TDRD9: variants seen among roughly 807,000 people sequenced by gnomAD.
TDRD9 encodes the protein tudor domain containing 9, also known as ATP-dependent RNA helicase TDRD9.
TDRD9 carries 124 observed loss-of-function variants against 172.6 expected under a neutral mutation model. The ratio of observed to expected loss-of-function variants is 0.72; its 90% CI spans 0.62 to 0.83. TDRD9 has a LOEUF of 0.83. Ranked by LOEUF, TDRD9 falls within the 40% of genes least tolerant of loss-of-function variation. The pLI is 0.00. For synonymous variants in TDRD9, 619 were observed against 617.1 expected (o/e 1.00, Z -0.05); for missense variants, 1,479 against 1,714.1 (o/e 0.86, Z 2.42).
At chr14:103,987,689 A>G (rs147591269) in intron 8 of TDRD9, among the ~76,000 whole-genome samples, 1 of 152,180 alleles carries the variant, frequency 6.6e-6, no homozygotes, top group African/African-American at 2.4e-5. Flanking sequence ...GTTCTGGAGA[A>G]TATTACACGT....
intron 9 of TDRD9, among the ~76,000 whole-genome samples, chr14:103,992,298 T>A (rs2033898145): frequency 6.6e-6 from 1 of 152,222 alleles, no homozygotes; most frequent in South Asian, 2.1e-4. Context: ...TAAACAGATT[T>A]GTTCTTAAAA....
intron 7 of TDRD9, among the ~76,000 whole-genome samples, chr14:103,982,569 C>G (rs967438681): frequency 2.0e-5 from 3 of 152,176 alleles, no homozygotes; most frequent in African/African-American, 7.2e-5. Flanking sequence ...TTTCAGTGTC[C>G]TTTGGAGAGT....
intron 28 of TDRD9, 40 bp from the exon 29 acceptor site, chr14:104,031,068 T>C: frequency 1.3e-6 from 2 of 1,530,626 alleles, no homozygotes; most frequent in East Asian, 2.5e-5. Flanking sequence ...GTCCTTGTAA[T>C]ATTTTCTTTT....
At chr14:103,967,895 A>T (rs929502005) in intron 5 of TDRD9, among the ~76,000 whole-genome samples, 2 of 152,226 alleles carry the variant, frequency 1.3e-5, no homozygotes, top group African/African-American at 4.8e-5. Context: ...ATAGTTATTC[A>T]TTGGGCTTTT....
intron 1 of TDRD9, among the ~76,000 whole-genome samples, chr14:103,951,912 G>T (rs879394565): frequency 6.6e-6 from 1 of 151,184 alleles, no homozygotes; most frequent in Non-Finnish European, 1.5e-5. Flanking sequence ...GACCACAGGC[G>T]CCCGCCACCA....
Position 103,992,924 on chromosome 14 carries a change from C to CAAAAA in TDRD9, c.1181-1391_1181-1387dup, listed in dbSNP as rs35212615. ...TGGGAGAAAGAGCGAGACTCCATCT[C>CAAAAA]AAAAAAAAAAAAAAAAAAAAAGAAT... On this transcript the variant is annotated intron_variant, in intron 9 of 35. Coordinates refer to ENST00000409874, the MANE Select transcript of TDRD9 (RefSeq NM_153046.3). 1.1e-3 allele frequency among the ~76,000 whole-genome samples: 67 copies of CAAAAA among 58,722 alleles called. 1 individual carries two copies. The highest frequency in any genetic ancestry group is 9.1e-3 in the Middle Eastern group (1 of 110). The allele number at this position is 58,722 out of a possible 152,430, so 38.5% of individuals were successfully genotyped here.
intron 29 of TDRD9, among the ~76,000 whole-genome samples, chr14:104,031,468 G>T (rs952194955): frequency 3.8e-5 from 4 of 105,096 alleles, no homozygotes; most frequent in African/African-American, 7.0e-5. Flanking sequence ...GCTTTGACTA[G>T]TTTTTTTTTT....
rs771404304 is a variant in TDRD9, at chr14:104,004,333, T to C, written c.1579T>C (p.Leu527=). Reference sequence around the variant, plus strand: ...CCCTGATCATGTTGTTCCTGAGATGTTGGTAATTCACTTTGGTCATTGTCA... The same window carrying C: ...CCCTGATCATGTTGTTCCTGAGATGCTGGTAATTCACTTTGGTCATTGTCA... ...SIPDHVVPEM[L]RCPLGSTILK... Residue 527 remains leucine (L), a splice_region_variant and synonymous_variant, in exon 14 of 36, where the codon TTG becomes CTG. Coordinates refer to ENST00000409874, the MANE Select transcript of TDRD9 (RefSeq NM_153046.3). The C allele has an allele frequency of 1.3e-6, 2 of 1,543,672 alleles. No individual in the cohort carries two copies. The highest frequency in any genetic ancestry group is 8.9e-7 in the Non-Finnish European group (1 of 1,120,586).
chr14:104,050,754 C>G (rs1453341352), intron 35 of TDRD9, among the ~76,000 whole-genome samples: 1 of 152,190 alleles, frequency 6.6e-6, no homozygotes, highest in Non-Finnish European at 1.5e-5. Flanking sequence ...GCGGCCACAC[C>G]AGCCCCCATG....
intron 32 of TDRD9, among the ~76,000 whole-genome samples, chr14:104,039,399 A>G (rs1474538667): frequency 1.3e-5 from 2 of 152,226 alleles, no homozygotes; most frequent in African/African-American, 4.8e-5. Flanking sequence ...GTTTTACTGT[A>G]GTCACAGTCA....
At chr14:103,954,976 G>A (rs980336534) in intron 1 of TDRD9, among the ~76,000 whole-genome samples, 1 of 151,810 alleles carries the variant, frequency 6.6e-6, no homozygotes, top group Middle Eastern at 3.4e-3. Flanking sequence ...GCCTAGGCTG[G>A]AGTGCAGTGG....
chr14:103,957,239 A>G (rs1398271884), intron 2 of TDRD9, among the ~76,000 whole-genome samples: 1 of 152,178 alleles, frequency 6.6e-6, no homozygotes, highest in Non-Finnish European at 1.5e-5. Flanking sequence ...TGCTAGATCT[A>G]TCACCTTAAG....
At chr14:103,950,884 A>G (rs1163923480) in intron 1 of TDRD9, among the ~76,000 whole-genome samples, 1 of 152,164 alleles carries the variant, frequency 6.6e-6, no homozygotes, top group Non-Finnish European at 1.5e-5. Flanking sequence ...GGCCATCACA[A>G]CCTTTCTAAA....
At chr14:104,000,805 TA>T (rs1163942123) in intron 13 of TDRD9, among the ~76,000 whole-genome samples, 1 of 151,930 alleles carries the variant, frequency 6.6e-6, no homozygotes, top group Admixed American at 6.6e-5. Context: ...AAAACCTCAA[TA>T]AAAAGTGACT....
intron 2 of TDRD9, among the ~76,000 whole-genome samples, chr14:103,956,111 A>AATATATAT (rs1173008862): frequency 2.2e-3 from 41 of 18,358 alleles, no homozygotes; most frequent in African/African-American, 9.0e-3. Flanking sequence ...AAAAAAAAAA[A>AATATATAT]ATATATATAT....
At chr14:103,999,642 G>GCC (rs2034185928) in intron 13 of TDRD9, among the ~76,000 whole-genome samples, 1 of 125,956 alleles carries the variant, frequency 7.9e-6, no homozygotes, top group Non-Finnish European at 1.7e-5. Context: ...TTGTTTTTTA[G>GCC]AAAACCTTTT....
intron 2 of TDRD9, among the ~76,000 whole-genome samples, chr14:103,959,455 C>CATGT (rs1555365381): frequency 6.9e-6 from 1 of 144,022 alleles, no homozygotes; most frequent in Non-Finnish European, 1.5e-5. Context: ...GTCAGGTTAT[C>CATGT]GTGTGTGTGT....
At chr14:103,996,135 T>C (rs2034051454) in intron 12 of TDRD9, among the ~76,000 whole-genome samples, 1 of 152,302 alleles carries the variant, frequency 6.6e-6, no homozygotes, top group Admixed American at 6.5e-5. Flanking sequence ...GCTCAGGCCA[T>C]CTCAGCTCTG....
At chr14:103,940,982 C>A (rs2031192003) in intron 1 of TDRD9, 13 of 1,535,322 alleles carry the variant, frequency 8.5e-6, no homozygotes, top group East Asian at 2.4e-5. Context: ...CTCCCTGAGT[C>A]CTCCAGGTCC....
Sources: allele counts gnomAD v4.1 joint callset (sites outside exome capture counted in the v4.1 genomes callset), GRCh38; gene constraint gnomAD v4.1.1; transcripts MANE v1.5; gene names NCBI Gene and HGNC (gene_info 2026-07-23, HGNC 2026-07-21).